The following WDFY4 variants were observed in gnomAD, a reference collection of about 807,000 sequenced individuals.
The protein encoded by WDFY4 is WD repeat- and FYVE domain-containing protein 4.
Under a neutral mutation model 351.9 loss-of-function variants are expected in WDFY4, and 169 were observed. The ratio of observed to expected loss-of-function variants is 0.48; its 90% CI spans 0.42 to 0.55. The LOEUF (loss-of-function observed/expected upper bound fraction) is 0.55, where lower values mean the gene tolerates loss of function less well. Ranked by LOEUF, WDFY4 falls within the 20% of genes least tolerant of loss-of-function variation. The pLI, the probability that WDFY4 is intolerant of heterozygous loss-of-function variation, is 0.00. For missense variants in WDFY4, 3,803 were observed against 3,935.6 expected, an observed-to-expected ratio of 0.97 and a Z score of 0.90; for synonymous variants, 1,622 against 1,574.6, an observed-to-expected ratio of 1.03 and a Z score of -0.71.
At chr10:48,842,083 A>G (rs1250926358) in intron 39 of WDFY4, among the ~76,000 whole-genome samples, 1 of 152,004 alleles carries the variant, frequency 6.6e-6, no homozygotes, top group African/African-American at 2.4e-5. Flanking sequence ...TTCTTCTTGG[A>G]TGATTTTTCC....
intron 39 of WDFY4, among the ~76,000 whole-genome samples, chr10:48,865,151 C>T (rs1359429658): frequency 6.6e-6 from 1 of 152,172 alleles, no homozygotes; most frequent in Non-Finnish European, 1.5e-5. Flanking sequence ...TGTTAAGGAA[C>T]ATTCAGTCCT....
intron 32 of WDFY4, 50 bp from the exon 33 acceptor site, chr10:48,820,184 G>C (rs2067768264): frequency 6.5e-7 from 1 of 1,542,238 alleles, no homozygotes; most frequent in Non-Finnish European, 8.8e-7. Flanking sequence ...TGGTGGGAAA[G>C]AGCTTGAGGC....
intron 51 of WDFY4, among the ~76,000 whole-genome samples, chr10:48,952,543 T>A (rs1353901836): frequency 2.6e-5 from 4 of 152,206 alleles, no homozygotes; most frequent in Non-Finnish European, 4.4e-5. Flanking sequence ...TAATTGGCAT[T>A]ATTGAACAAC....
intron 2 of WDFY4, among the ~76,000 whole-genome samples, chr10:48,715,007 T>G (rs1199418835): frequency 1.3e-5 from 2 of 152,256 alleles, no homozygotes; most frequent in East Asian, 3.8e-4. Context: ...CACAGCTTCT[T>G]CTGCCTCTCA....
chr10:48,737,577 T>G (rs542525887), intron 11 of WDFY4, among the ~76,000 whole-genome samples: 1 of 152,336 alleles, frequency 6.6e-6, no homozygotes, highest in South Asian at 2.1e-4. Context: ...GGCCAAAGCA[T>G]TGCGTGGTCC....
intron 47 of WDFY4, among the ~76,000 whole-genome samples, chr10:48,939,815 TC>T (rs1215306276): frequency 6.6e-6 from 1 of 152,200 alleles, no homozygotes; most frequent in African/African-American, 2.4e-5. Flanking sequence ...TAATGGAACT[TC>T]CTTGAAGCTG....
intron 20 of WDFY4, among the ~76,000 whole-genome samples, chr10:48,787,158 G>T (rs2066430547): frequency 6.6e-6 from 1 of 152,204 alleles, no homozygotes; most frequent in African/African-American, 2.4e-5. Context: ...AAGTTACATT[G>T]CTTTTAATGA....
intron 44 of WDFY4, among the ~76,000 whole-genome samples, chr10:48,897,058 C>T (rs564880925): frequency 2.3e-4 from 35 of 152,244 alleles, no homozygotes; most frequent in South Asian, 8.3e-4. Flanking sequence ...TTTACAGTCA[C>T]GCACAGGACC....
Position 48,788,631 on chromosome 10 carries a change from A to G in WDFY4, c.3910A>G (p.Arg1304Gly). The change falls in exon 21 of 62, where the codon AGA becomes GGA. Residue 1304 changes from arginine (R) to glycine (G), a missense_variant. Coordinates refer to ENST00000325239, the MANE Select transcript of WDFY4 (RefSeq NM_001394531.1). ...SSSITSVADIRNAYNEVDSRL... is the reference protein window; with the variant it reads ...SSSITSVADIGNAYNEVDSRL... ...CTCTATCACCAGTGTAGCGGACATC[A>G]GAAATGCTTACAATGAGGTGGACAG... The G allele has an allele frequency of 6.4e-7, 1 of 1,551,790 alleles. No individual in the cohort carries two copies. The highest frequency in any genetic ancestry group is 2.4e-5 in the East Asian group (1 of 40,930).
At chr10:48,879,713 C>T (rs1020672381) in intron 43 of WDFY4, among the ~76,000 whole-genome samples, 14 of 152,290 alleles carry the variant, frequency 9.2e-5, no homozygotes, top group Non-Finnish European at 1.5e-4. Context: ...GCAGAATCCA[C>T]GTTCCTGCTT....
At chr10:48,892,726 AT>A (rs1836876339) in intron 44 of WDFY4, among the ~76,000 whole-genome samples, 1 of 152,248 alleles carries the variant, frequency 6.6e-6, no homozygotes, top group Non-Finnish European at 1.5e-5. Context: ...CTGCTATGGA[AT>A]TGAGTCAGTT....
chr10:48,910,855 A>T (rs1039392039), intron 47 of WDFY4: 1 of 956,484 alleles, frequency 1.0e-6, no homozygotes, highest in African/African-American at 1.8e-5. Context: ...GGAAGGGAGG[A>T]CGTGGACCAG....
At position 48,828,928 on chromosome 10, in the gene WDFY4, G is replaced by T. The variant is rs762465149; in HGVS notation, c.6340+32G>T. The T allele has an allele frequency of 1.5e-3, 390 of 258,102 alleles. 10 individuals carry two copies. In the African/African-American group the frequency reaches 0.016, roughly 11 times the overall value. The allele number at this position is 258,102 out of a possible 1,614,324, so 16.0% of individuals were successfully genotyped here. ...TTTATTTGTCATTGTGTGTGTGGGC[G>T]GGGGGGGGGCGGGGAGGGGGTGGTG... is the stretch of plus-strand genomic sequence containing the variant. On this transcript the variant is annotated intron_variant, in intron 37 of 61. Transcript: ENST00000325239.
chr10:48,977,772 C>T (rs752562825), intron 59 of WDFY4, among the ~76,000 whole-genome samples: 9 of 152,204 alleles, frequency 5.9e-5, no homozygotes, highest in African/African-American at 9.7e-5. Flanking sequence ...CTAAGCCTGG[C>T]GTGGGGCTCA....
At chr10:48,778,572 C>A (rs1453627722) in intron 17 of WDFY4, 39 bp from the exon 18 acceptor site, 2 of 1,536,576 alleles carry the variant, frequency 1.3e-6, no homozygotes, top group East Asian at 2.4e-5. Context: ...CTCAGCAGGG[C>A]AGAACAAAGC....
chr10:48,974,695 G>A (rs1590029356), intron 57 of WDFY4, among the ~76,000 whole-genome samples, 167 bp from the exon 58 acceptor site: 2 of 151,914 alleles, frequency 1.3e-5, no homozygotes, highest in Admixed American at 6.6e-5. Flanking sequence ...TCATGGACAC[G>A]CACATGCACA....
chr10:48,713,051 A>G (rs2063808145), intron 2 of WDFY4, among the ~76,000 whole-genome samples: 1 of 152,218 alleles, frequency 6.6e-6, no homozygotes, highest in Non-Finnish European at 1.5e-5. Flanking sequence ...TTTGTTCCAA[A>G]GCAATGCACA....
chr10:48,976,371 T>C (rs769240788), intron 58 of WDFY4, among the ~76,000 whole-genome samples: 17 of 152,210 alleles, frequency 1.1e-4, no homozygotes, highest in Non-Finnish European at 2.4e-4. Context: ...CATGCAGTCA[T>C]TGGAACTTCT....
At chr10:48,783,440 G>T (rs1244228283) in intron 19 of WDFY4, among the ~76,000 whole-genome samples, 1 of 151,664 alleles carries the variant, frequency 6.6e-6, no homozygotes, top group African/African-American at 2.4e-5. Flanking sequence ...CCCCAGATAT[G>T]CAGGGCCAAT....
Sources: gnomAD v4.1 joint callset for allele counts (sites outside exome capture counted in the v4.1 genomes callset) on GRCh38, gnomAD v4.1.1 for gene constraint, MANE v1.5 for transcripts, NCBI Gene and HGNC (gene_info 2026-07-23, HGNC 2026-07-21) for gene names.